Variants in MLLT10 observed in about 807,000 individuals in gnomAD.
MLLT10 encodes the protein protein AF-10.
In MLLT10, 30 loss-of-function variants were observed where a neutral mutation model predicts 129.1. That is an observed-to-expected ratio of 0.23 (90% CI 0.17 to 0.32). The LOEUF (loss-of-function observed/expected upper bound fraction) is 0.32, where lower values mean the gene tolerates loss of function less well. Among genes scored for constraint, MLLT10 ranks in the 10% least tolerant of loss-of-function variants. MLLT10 has a pLI of 1.00. For missense variants in MLLT10, 1,119 were observed against 1,268.3 expected, an observed-to-expected ratio of 0.88 and a Z score of 1.79; for synonymous variants, 490 against 446.4, an observed-to-expected ratio of 1.10 and a Z score of -1.23.
At chr10:21,646,440 A>G (rs1483940870) in intron 8 of MLLT10, among the ~76,000 whole-genome samples, 8 of 149,770 alleles carry the variant, frequency 5.3e-5, no homozygotes, top group Non-Finnish European at 1.2e-4. Flanking sequence ...CTTGATTTTC[A>G]TCATGGGTGC....
At chr10:21,603,826 T>G (rs2043797733) in intron 5 of MLLT10, among the ~76,000 whole-genome samples, 1 of 140,354 alleles carries the variant, frequency 7.1e-6, no homozygotes, top group Admixed American at 7.1e-5. Flanking sequence ...TTTGTTTTTT[T>G]GTTTTTTTTT....
At chr10:21,665,445 C>T (rs2050692732) in intron 9 of MLLT10, among the ~76,000 whole-genome samples, 1 of 151,860 alleles carries the variant, frequency 6.6e-6, no homozygotes, top group African/African-American at 2.4e-5. Context: ...TGTGCCACCA[C>T]GCCCAGCTAA....
intron 14 of MLLT10, among the ~76,000 whole-genome samples, chr10:21,717,939 T>TCCTCC (rs1564712818): frequency 7.0e-6 from 1 of 142,400 alleles, no homozygotes; most frequent in African/African-American, 2.7e-5. Context: ...TTCTCCTTCT[T>TCCTCC]TTCTTCTTTC....
At chr10:21,702,049 C>G (rs2054981038) in intron 13 of MLLT10, among the ~76,000 whole-genome samples, 1 of 152,060 alleles carries the variant, frequency 6.6e-6, no homozygotes, top group Non-Finnish European at 1.5e-5. Flanking sequence ...GCCTCAGCCT[C>G]CCGAGTAGCT....
intron 8 of MLLT10, among the ~76,000 whole-genome samples, chr10:21,633,921 T>A (rs2047224054): frequency 6.6e-6 from 1 of 152,182 alleles, no homozygotes; most frequent in South Asian, 2.1e-4. Flanking sequence ...GAAATTGATG[T>A]AGAAGTCAAG....
At chr10:21,664,944 CTT>C (rs146373535) in intron 9 of MLLT10, among the ~76,000 whole-genome samples, 20 of 119,388 alleles carry the variant, frequency 1.7e-4, no homozygotes, top group East Asian at 2.4e-4. Context: ...TTTTTCTTTT[CTT>C]TTTTTTTTTT....
At chr10:21,670,916 G>T (rs1421756272) in intron 10 of MLLT10, 1 of 490,816 alleles carries the variant, frequency 2.0e-6, no homozygotes, top group Admixed American at 3.9e-5. Context: ...AATATGATTT[G>T]TGCTTCCAGA....
intron 21 of MLLT10, 51 bp downstream of exon 21, chr10:21,735,286 G>A (rs1350375392): frequency 3.6e-6 from 5 of 1,381,522 alleles, no homozygotes; most frequent in Non-Finnish European, 5.1e-6. Flanking sequence ...GTTCTAAGCT[G>A]TAATATTCAC....
At chr10:21,730,548 AT>A (rs1213482814) in intron 16 of MLLT10, among the ~76,000 whole-genome samples, 1 of 152,120 alleles carries the variant, frequency 6.6e-6, no homozygotes, top group Non-Finnish European at 1.5e-5. Context: ...TTTCTGGGAA[AT>A]TATTTTTAAG....
intron 3 of MLLT10, among the ~76,000 whole-genome samples, chr10:21,549,060 C>T (rs1219660095): frequency 2.0e-5 from 3 of 148,598 alleles, no homozygotes; most frequent in African/African-American, 7.4e-5. Flanking sequence ...TGCTCTCTGT[C>T]TTTTAAGAAT....
chr10:21,555,010 G>A (rs985663135), intron 3 of MLLT10, among the ~76,000 whole-genome samples: 1 of 150,946 alleles, frequency 6.6e-6, no homozygotes, highest in Non-Finnish European at 1.5e-5. Flanking sequence ...AGGTAGAGAC[G>A]GGGTTTCACC....
intron 8 of MLLT10, among the ~76,000 whole-genome samples, chr10:21,621,243 C>T (rs2045813647): frequency 6.9e-6 from 1 of 144,948 alleles, no homozygotes; most frequent in African/African-American, 2.6e-5. Flanking sequence ...ATCCGCCCCC[C>T]GCTCCCCTTT....
At chr10:21,591,810 A>C (rs561490601) in intron 4 of MLLT10, among the ~76,000 whole-genome samples, 1 of 150,292 alleles carries the variant, frequency 6.7e-6, no homozygotes, top group Admixed American at 6.6e-5. Flanking sequence ...TGCAACCTCT[A>C]CCTCCCAGGT....
At chr10:21,628,909 C>T (rs375707322) in intron 8 of MLLT10, among the ~76,000 whole-genome samples, 27 of 151,804 alleles carry the variant, frequency 1.8e-4, no homozygotes, top group African/African-American at 5.6e-4. Flanking sequence ...CCACCATGCC[C>T]GGCTAAGTTT....
intron 16 of MLLT10, among the ~76,000 whole-genome samples, chr10:21,730,600 C>T (rs530060687): frequency 1.3e-5 from 2 of 152,178 alleles, no homozygotes; most frequent in South Asian, 4.1e-4. Flanking sequence ...TAATGCCATA[C>T]CAAGTTATTT....
chr10:21,616,477 T>A (rs764056607), intron 7 of MLLT10, among the ~76,000 whole-genome samples: 12 of 152,216 alleles, frequency 7.9e-5, no homozygotes, highest in Middle Eastern at 3.4e-3. Flanking sequence ...AACTCTCACC[T>A]TCATACTTAA....
intron 11 of MLLT10, among the ~76,000 whole-genome samples, chr10:21,677,799 G>GAT (rs1400428915): frequency 2.6e-5 from 4 of 152,270 alleles, no homozygotes; most frequent in South Asian, 4.1e-4. Context: ...ATGACAGGTC[G>GAT]ATAATTTAGT....
intron 16 of MLLT10, among the ~76,000 whole-genome samples, chr10:21,728,939 T>C (rs991171176): frequency 6.6e-6 from 1 of 151,832 alleles, no homozygotes; most frequent in Non-Finnish European, 1.5e-5. Flanking sequence ...ATTGCTGATA[T>C]ATTTGGGGAA....
intron 9 of MLLT10, among the ~76,000 whole-genome samples, chr10:21,656,767 A>T (rs1333154141): frequency 6.6e-6 from 1 of 152,196 alleles, no homozygotes; most frequent in Admixed American, 6.5e-5. Context: ...TAACGATGGT[A>T]GTGGACCACC....
Sources: gnomAD v4.1 joint callset for allele counts (sites outside exome capture counted in the v4.1 genomes callset) on GRCh38, gnomAD v4.1.1 for gene constraint, MANE v1.5 for transcripts, NCBI Gene and HGNC (gene_info 2026-07-23, HGNC 2026-07-21) for gene names.